Variants in IL10 observed in about 807,000 individuals in gnomAD.
IL10 encodes interleukin 10.
Under a neutral mutation model 21.0 loss-of-function variants are expected in IL10, and 7 were observed. The observed-to-expected ratio is 0.33, with a 90% CI of 0.19 to 0.63. The LOEUF (loss-of-function observed/expected upper bound fraction) is 0.63, where lower values mean the gene tolerates loss of function less well. IL10 is among the 20% of genes least tolerant of loss of function. The probability of loss-of-function intolerance (pLI) is 0.77; values close to 1 mark genes in which losing one functional copy is unlikely to be tolerated. For synonymous variants in IL10, 83 were observed against 79.7 expected, an observed-to-expected ratio of 1.04 and a Z score of -0.22; for missense variants, 161 against 213.0, an observed-to-expected ratio of 0.76 and a Z score of 1.52.
At position 206,770,810 on chromosome 1, in the gene IL10, G is replaced by A. The variant is rs1674805671; in HGVS notation, c.378+97C>T. 4.2e-6 allele frequency: 5 copies of A among 1,178,828 alleles called. No homozygotes were observed. The South Asian group carries it at 6.1e-5, about 14-fold the overall frequency. The allele number at this position is 1,178,828 out of a possible 1,614,324, so 73.0% of individuals were successfully genotyped here. A position where few individuals can be genotyped will look rare whatever the true frequency, so the allele number is the denominator to read the frequency against. Reference sequence around the variant, plus strand: ...TTTACAGCTAGCTCTGCCAGTCTGTGTCTTTGCTGTGTCTGTGGATGTGAG... The same window carrying A: ...TTTACAGCTAGCTCTGCCAGTCTGTATCTTTGCTGTGTCTGTGGATGTGAG... On this transcript the variant is annotated intron_variant, in intron 3 of 4. Transcript: ENST00000423557.
Position 206,772,430 on chromosome 1 carries a change from G to A in IL10, c.6C>T (p.His2=), listed in dbSNP as rs140486772. 4.1e-5 allele frequency: 66 copies of A among 1,614,094 alleles called. No individual in the cohort carries two copies. Among genetic ancestry groups the A allele is most frequent in the Middle Eastern group, 1.7e-4 (1 of 6,010 alleles). Reference sequence around the variant, plus strand: ...CCAGGCAACAGAGCAGTGCTGAGCTGTGCATGCCTTCTTTTGCAAGTCTGT... The same window carrying A: ...CCAGGCAACAGAGCAGTGCTGAGCTATGCATGCCTTCTTTTGCAAGTCTGT... M[H]SSALLCCLVL... Residue 2 remains histidine (H), a synonymous_variant, in exon 1 of 5, where the codon CAC becomes CAT. Coordinates refer to ENST00000423557, the MANE Select transcript of IL10 (RefSeq NM_000572.3).
Position 206,768,606 on chromosome 1 carries a change from T to C in IL10, c.*30A>G. ...TTTTGGAGACCTCTAATTTATGTCC[T>C]AGAGTCTATAGAGTCGCCACCCTGA... On this transcript the variant is annotated 3_prime_UTR_variant, in exon 5 of 5. Coordinates refer to ENST00000423557, the MANE Select transcript of IL10 (RefSeq NM_000572.3). The C allele has an allele frequency of 7.8e-7, 1 of 1,288,062 alleles. No individual in the cohort carries two copies. Among genetic ancestry groups the C allele is most frequent in the Non-Finnish European group, 1.1e-6 (1 of 883,182 alleles). The allele number at this position is 1,288,062 out of a possible 1,614,324, so 79.8% of individuals were successfully genotyped here.
At chr1:206,770,804 G>T in intron 3 of IL10, 103 bp downstream of exon 3, 1 of 1,121,448 alleles carries the variant, frequency 8.9e-7, no homozygotes, top group Non-Finnish European at 1.4e-6. Flanking sequence ...AGCTCTGCCA[G>T]TCTGTGTCTT....
chr1:206,769,266 G>C (rs989005926), intron 4 of IL10, among the ~76,000 whole-genome samples: 1 of 152,182 alleles, frequency 6.6e-6, no homozygotes, highest in South Asian at 2.1e-4. Context: ...AAAAGTTCAC[G>C]CACAGTTGGA....
At position 206,769,839 on chromosome 1, in the gene IL10, G is replaced by A. The variant is rs774072665; in HGVS notation, c.434C>T (p.Ala145Val). ...KSKAVEQVKNAFNKLQEKGIY... is the reference protein window; with the variant it reads ...KSKAVEQVKNVFNKLQEKGIY... ...ACCATCCAAGCTCACCTTATTAAAGGCATTCTTCACCTGCTCCACGGCCTT... is the reference window on the plus strand; with the variant it reads ...ACCATCCAAGCTCACCTTATTAAAGACATTCTTCACCTGCTCCACGGCCTT... The change falls in exon 4 of 5, where the codon GCC (alanine) becomes GTC (valine). Residue 145 changes from alanine (A) to valine (V), a missense_variant. Physicochemically the swap from Ala to Val is moderately conservative, Grantham distance 64. Coordinates refer to ENST00000423557, the MANE Select transcript of IL10 (RefSeq NM_000572.3). 6.2e-6 allele frequency: 10 copies of A among 1,613,210 alleles called. No individual in the cohort carries two copies. Among genetic ancestry groups the A allele is most frequent in the Middle Eastern group, 3.3e-4 (2 of 6,034 alleles).
At chr1:206,768,874 C>A (rs1674740597) in intron 4 of IL10, 146 bp from the exon 5 acceptor site, 1 of 690,894 alleles carries the variant, frequency 1.4e-6, no homozygotes. Flanking sequence ...AGAGGATAGG[C>A]CTAGCTGCCT....
At position 206,768,501 on chromosome 1, in the gene IL10, A is replaced by T; in HGVS notation, c.*135T>A. ...ATAGAAATGGGGGTTGAGGTATCAGAGGTAATAAATATTCTATAAGAGAGG... is the reference window on the plus strand; with the variant it reads ...ATAGAAATGGGGGTTGAGGTATCAGTGGTAATAAATATTCTATAAGAGAGG... On this transcript the variant is annotated 3_prime_UTR_variant, in exon 5 of 5. Transcript: ENST00000423557. 4.5e-6 allele frequency: 3 copies of T among 664,030 alleles called. No individual in the cohort carries two copies. 41.1% of individuals were successfully genotyped at this position (664,030 alleles called of 1,614,324 possible). A position where few individuals can be genotyped will look rare whatever the true frequency, so the allele number is the denominator to read the frequency against.
chr1:206,771,126 C>T, intron 2 of IL10, 67 bp from the exon 3 acceptor site: 7 of 1,544,116 alleles, frequency 4.5e-6, no homozygotes, highest in Non-Finnish European at 6.3e-6. Flanking sequence ...GCTGCTGCAA[C>T]TAGCTTAAGA....
chr1:206,770,857 G>GAT (rs1328141097), intron 3 of IL10, 50 bp downstream of exon 3: 1 of 1,570,786 alleles, frequency 6.4e-7, no homozygotes, highest in South Asian at 1.1e-5. Flanking sequence ...GTCTGTAGGA[G>GAT]ATGGTATTTT....
chr1:206,770,621 G>C, intron 3 of IL10: 1 of 472,444 alleles, frequency 2.1e-6, no homozygotes, highest in South Asian at 2.3e-5. Context: ...TGAAGCTCTG[G>C]GCTCCTTTTA....
intron 4 of IL10, 51 bp downstream of exon 4, chr1:206,769,778 G>T: frequency 7.2e-7 from 1 of 1,395,968 alleles, no homozygotes; most frequent in Non-Finnish European, 1.0e-6. Flanking sequence ...GGGTTGGGGA[G>T]TGGGCATGGG....
At chr1:206,771,170 G>A in intron 2 of IL10, 111 bp from the exon 3 acceptor site, 2 of 1,320,460 alleles carry the variant, frequency 1.5e-6, no homozygotes, top group Middle Eastern at 1.9e-4. Context: ...TCCTTCACCA[G>A]AAGCCTCCCC....
chr1:206,770,416 A>G (rs1434016783), intron 3 of IL10: 1 of 275,372 alleles, frequency 3.6e-6, no homozygotes, highest in African/African-American at 2.2e-5. Context: ...AATTACTCAT[A>G]GACACTAGCC....
chr1:206,769,602 G>C (rs1027084045), intron 4 of IL10: 100 of 602,456 alleles, frequency 1.7e-4, no homozygotes, highest in Non-Finnish European at 2.7e-4. Context: ...GCCTGCAAAG[G>C]CAGCGAGCAG....
chr1:206,770,818 T>G (rs1012180303), intron 3 of IL10, 89 bp downstream of exon 3: 3 of 1,247,140 alleles, frequency 2.4e-6, no homozygotes, highest in Non-Finnish European at 3.6e-6. Context: ...GTGTCTTTGC[T>G]GTGTCTGTGG....
At chr1:206,770,264 G>A (rs1353770810) in intron 3 of IL10, 1 of 376,506 alleles carries the variant, frequency 2.7e-6, no homozygotes, top group Non-Finnish European at 5.1e-6. Context: ...CATCTGAGGA[G>A]GGAAGCTACT....
Position 206,768,530 on chromosome 1 carries a change from A to C in IL10, c.*106T>G, listed in dbSNP as rs550499096. ...AATAAATATTCTATAAGAGAGGTAC[A>C]ATAAGGTTTCTCAAGGGGCTGGGTC... On this transcript the variant is annotated 3_prime_UTR_variant, in exon 5 of 5. Coordinates refer to ENST00000423557, the MANE Select transcript of IL10 (RefSeq NM_000572.3). The C allele has an allele frequency of 3.4e-5, 24 of 715,268 alleles. No individual in the cohort carries two copies. The highest frequency in any genetic ancestry group is 3.4e-4 in the Middle Eastern group (1 of 2,922). The allele number at this position is 715,268 out of a possible 1,614,324, so 44.3% of individuals were successfully genotyped here.
At chr1:206,770,664 A>G in intron 3 of IL10, 1 of 563,222 alleles carries the variant, frequency 1.8e-6, no homozygotes, top group Non-Finnish European at 3.2e-6. Flanking sequence ...ATAACCCACA[A>G]ATGACTCACA....
intron 4 of IL10, 56 bp from the exon 5 acceptor site, chr1:206,768,784 C>T: frequency 9.8e-7 from 1 of 1,021,164 alleles, no homozygotes; most frequent in Non-Finnish European, 1.6e-6. Context: ...ACTAAATAGG[C>T]TCCCCTCCCT....
Sources: allele counts gnomAD v4.1 joint callset (sites outside exome capture counted in the v4.1 genomes callset), GRCh38; gene constraint gnomAD v4.1.1; transcripts MANE v1.5; gene names NCBI Gene and HGNC (gene_info 2026-07-23, HGNC 2026-07-21).